Variants in DNMBP observed in about 807,000 individuals in gnomAD.
DNMBP encodes dynamin-binding protein.
Under a neutral mutation model 150.0 loss-of-function variants are expected in DNMBP, and 87 were observed. The observed-to-expected ratio is 0.58, with a 90% CI of 0.49 to 0.69. The LOEUF (loss-of-function observed/expected upper bound fraction) is 0.69, where lower values mean the gene tolerates loss of function less well. DNMBP is among the 30% of genes least tolerant of loss of function. DNMBP has a pLI of 0.00. For missense variants in DNMBP, 1,774 were observed against 1,949.0 expected (o/e 0.91, Z 1.69); for synonymous variants, 711 against 750.4 (o/e 0.95, Z 0.86).
chr10:99,924,402 C>T (rs367897028), intron 4 of DNMBP, among the ~76,000 whole-genome samples: 5 of 152,202 alleles, frequency 3.3e-5, no homozygotes, highest in African/African-American at 1.2e-4. Context: ...GAGATCGCAC[C>T]ACTGCACTCC....
At chr10:99,990,614 A>T (rs1029556249) in intron 1 of DNMBP, among the ~76,000 whole-genome samples, 14 of 151,412 alleles carry the variant, frequency 9.2e-5, no homozygotes, top group African/African-American at 2.2e-4. Context: ...AATGAATAAA[A>T]AAAAAAAAAA....
intron 5 of DNMBP, among the ~76,000 whole-genome samples, chr10:99,908,745 T>A (rs904093363): frequency 2.0e-5 from 3 of 152,192 alleles, no homozygotes; most frequent in African/African-American, 7.2e-5. Flanking sequence ...GTCTGGTAGG[T>A]TAACAGTAGA....
intron 15 of DNMBP, among the ~76,000 whole-genome samples, chr10:99,883,011 C>T (rs2039393673): frequency 6.6e-6 from 1 of 152,152 alleles, no homozygotes; most frequent in African/African-American, 2.4e-5. Context: ...CGTGCTGCTG[C>T]ACTCTAGCCT....
chr10:99,895,574 A>C (rs2039641184), intron 10 of DNMBP, among the ~76,000 whole-genome samples: 1 of 152,206 alleles, frequency 6.6e-6, no homozygotes, highest in Non-Finnish European at 1.5e-5. Flanking sequence ...CTTCTTTGCA[A>C]GCCCTCTGCT....
rs1030974583 is a variant in DNMBP at position 99,925,582 on chromosome 10, A to G, written c.2261-16436T>C. 2.0e-5 allele frequency among the ~76,000 whole-genome samples: 3 copies of G among 151,822 alleles called. No homozygotes were observed. In the East Asian group the frequency reaches 5.8e-4, roughly 29 times the overall value. On this transcript the variant is annotated intron_variant, in intron 4 of 16. Coordinates refer to ENST00000324109, the MANE Select transcript of DNMBP (RefSeq NM_015221.4). ...AGGCGCCCACCAACATGCCCAGCTAATTTTTGTATTTTTGTACACAGGGGG... is the reference window on the plus strand; with the variant it reads ...AGGCGCCCACCAACATGCCCAGCTAGTTTTTGTATTTTTGTACACAGGGGG...
intron 10 of DNMBP, among the ~76,000 whole-genome samples, chr10:99,895,571 G>C (rs547605541): frequency 6.6e-5 from 10 of 152,204 alleles, no homozygotes; most frequent in Non-Finnish European, 1.5e-5. Context: ...AACCTTCTTT[G>C]CAAGCCCTCT....
At chr10:99,955,106 T>C (rs1003387976) in intron 4 of DNMBP, 108 bp downstream of exon 4, 18 of 899,468 alleles carry the variant, frequency 2.0e-5, no homozygotes, top group Non-Finnish European at 2.2e-5. Flanking sequence ...ATGTAAATCA[T>C]TTTTTGTCCA....
chr10:99,891,693 T>C (rs2039564415), intron 11 of DNMBP, among the ~76,000 whole-genome samples: 2 of 141,456 alleles, frequency 1.4e-5, no homozygotes, highest in Admixed American at 7.0e-5. Context: ...GTGAGGAGCG[T>C]CTCTGCCCGG....
chr10:99,989,387 T>C (rs1224374281), intron 1 of DNMBP, among the ~76,000 whole-genome samples: 1 of 152,164 alleles, frequency 6.6e-6, no homozygotes. Flanking sequence ...CCTGGCTCTT[T>C]AGCCTGGGCC....
chr10:99,884,168 G>C lies in DNMBP; in HGVS notation c.3840C>G (p.Leu1280=), dbSNP rs139354128. The C allele has an allele frequency of 3.7e-5, 60 of 1,613,856 alleles. No individual in the cohort carries two copies. In the Middle Eastern group the frequency reaches 6.8e-4, roughly 18 times the overall value. The change falls in exon 15 of 17, where the codon CTC becomes CTG. Residue 1280 remains leucine, a synonymous_variant. Coordinates refer to ENST00000324109, the MANE Select transcript of DNMBP (RefSeq NM_015221.4). ...MLQSEELRAS[L]LARYPPEKLF... ...GTTTTTCAGGGGGATACCTGGCCAG[G>C]AGGGAGGCCCGGAGTTCTTCTGACT... is the stretch of plus-strand genomic sequence containing the variant.
chr10:99,995,378 T>C (rs1326408525), intron 1 of DNMBP, among the ~76,000 whole-genome samples: 6 of 152,106 alleles, frequency 3.9e-5, no homozygotes, highest in Non-Finnish European at 7.4e-5. Flanking sequence ...CTTTACCGCC[T>C]GAAGTTCCTC....
intron 1 of DNMBP, among the ~76,000 whole-genome samples, chr10:99,996,027 C>T (rs2040947813): frequency 6.6e-6 from 1 of 152,202 alleles, no homozygotes; most frequent in Non-Finnish European, 1.5e-5. Flanking sequence ...CAGTTGTGAA[C>T]ATGAAGTGCT....
intron 10 of DNMBP, among the ~76,000 whole-genome samples, chr10:99,895,347 G>A (rs574688805): frequency 6.6e-5 from 10 of 152,080 alleles, no homozygotes; most frequent in African/African-American, 2.2e-4. Context: ...GACTAGTCTC[G>A]AACTCCTGAT....
chr10:99,891,914 G>C (rs186358560), intron 11 of DNMBP, among the ~76,000 whole-genome samples: 6,593 of 148,756 alleles, frequency 0.044, 164 homozygotes, highest in Middle Eastern at 0.19. Context: ...CCGGGAGGGA[G>C]GTGGGGGGGT....
In DNMBP at chr10:99,955,718, T is replaced by C; in HGVS notation, c.1756A>G (p.Lys586Glu). The change falls in exon 4 of 17, where the codon AAG becomes GAG. Residue 586 changes from lysine (K) to glutamate (E), a missense_variant. Lys to Glu is a moderately conservative substitution (Grantham distance 56, BLOSUM62 1). This residue lies in a region of DNMBP where 1,430 missense variants were observed against 1,492.5 expected (regional missense o/e 0.96). Transcript: ENST00000324109. ...TTTGAGGAACCTCGGACAATATCCT[T>C]CTCAGAGTTAAAGTCCATGATTGAA... ...HFSIMDFNSEKDIVRGSSKLI... is the reference protein window; with the variant it reads ...HFSIMDFNSEEDIVRGSSKLI... 6.2e-7 allele frequency: 1 copy of C among 1,614,230 alleles called. No individual in the cohort carries two copies. Among genetic ancestry groups the C allele is most frequent in the Non-Finnish European group, 8.5e-7 (1 of 1,180,046 alleles).
chr10:100,001,410 G>T (rs1237322441), intron 1 of DNMBP, among the ~76,000 whole-genome samples: 12 of 96,374 alleles, frequency 1.2e-4, no homozygotes, highest in South Asian at 3.2e-4. Flanking sequence ...TTTTGTTGTT[G>T]TTGTTTTTTT....
At chr10:99,947,897 A>AT (rs1244851491) in intron 4 of DNMBP, among the ~76,000 whole-genome samples, 1 of 152,142 alleles carries the variant, frequency 6.6e-6, no homozygotes, top group Non-Finnish European at 1.5e-5. Flanking sequence ...GGTGTGTAAG[A>AT]TATTAAGGTT....
chr10:99,952,280 A>C (rs926752028), intron 4 of DNMBP, among the ~76,000 whole-genome samples: 10 of 152,324 alleles, frequency 6.6e-5, no homozygotes, highest in Admixed American at 5.2e-4. Context: ...GGACTAATAC[A>C]ATATCTAATG....
intron 6 of DNMBP, among the ~76,000 whole-genome samples, chr10:99,902,459 G>A (rs1413492911): frequency 1.3e-5 from 2 of 150,026 alleles, no homozygotes; most frequent in African/African-American, 4.9e-5. Flanking sequence ...ACAGGCATGC[G>A]CCACCACGCC....
Sources: allele counts gnomAD v4.1 joint callset (sites outside exome capture counted in the v4.1 genomes callset), GRCh38; gene constraint gnomAD v4.1.1; regional missense constraint gnomAD v4.1.1; transcripts MANE v1.5; gene names NCBI Gene and HGNC (gene_info 2026-07-23, HGNC 2026-07-21).